The following NECAB1 variants were observed in gnomAD, a reference collection of about 807,000 sequenced individuals.
NECAB1 encodes the protein N-terminal EF-hand calcium-binding protein 1.
In NECAB1, 29 loss-of-function variants were observed where a neutral mutation model predicts 57.5. The observed-to-expected ratio is 0.50, with a 90% CI of 0.38 to 0.69. The LOEUF (loss-of-function observed/expected upper bound fraction) is 0.69. Ranked by LOEUF, NECAB1 falls within the 30% of genes least tolerant of loss-of-function variation. NECAB1 has a pLI of 0.00. For missense variants in NECAB1, 372 were observed against 413.8 expected (o/e 0.90, Z 0.88); for synonymous variants, 142 against 147.7 (o/e 0.96, Z 0.28).
chr8:90,882,190 G>A (rs1160263813), intron 5 of NECAB1, among the ~76,000 whole-genome samples: 2 of 152,178 alleles, frequency 1.3e-5, no homozygotes, highest in African/African-American at 4.8e-5. Context: ...ATTAACTTGG[G>A]ATTGGGGTGG....
intron 5 of NECAB1, among the ~76,000 whole-genome samples, chr8:90,881,973 A>C (rs1288404693): frequency 6.6e-6 from 1 of 152,190 alleles, no homozygotes; most frequent in African/African-American, 2.4e-5. Context: ...ACACTCTAGG[A>C]AATGAAGCTG....
rs1811044254 is a variant in NECAB1 at position 90,956,951 on chromosome 8, T to TAC, written c.*1439_*1440insAC. On this transcript the variant is annotated 3_prime_UTR_variant, in exon 13 of 13. Transcript: ENST00000417640. The stretch of plus-strand genomic sequence containing the variant: ...TATATTGTACATACACACGTGTGTG[T>TAC]GTGTGTGTGTGTGTGTGTGTGTGTG... The TAC allele has an allele frequency of 1.5e-5, 2 of 131,208 alleles. No homozygotes were observed. The highest frequency in any genetic ancestry group is 6.1e-5 in the African/African-American group (2 of 32,854). The allele number at this position is 131,208 out of a possible 1,614,324, so 8.1% of individuals were successfully genotyped here.
At chr8:90,922,633 C>G (rs796522000) in intron 6 of NECAB1, among the ~76,000 whole-genome samples, 5 of 151,824 alleles carry the variant, frequency 3.3e-5, no homozygotes, top group African/African-American at 1.2e-4. Flanking sequence ...GCTGGGATTA[C>G]AGGCGCCTGC....
intron 5 of NECAB1, among the ~76,000 whole-genome samples, chr8:90,893,181 G>A (rs1809230409): frequency 6.6e-6 from 1 of 151,912 alleles, no homozygotes; most frequent in Non-Finnish European, 1.5e-5. Context: ...GATACTACGG[G>A]ACTTAGCTTA....
chr8:90,951,069 T>C, intron 11 of NECAB1, 44 bp from the exon 12 acceptor site: 1 of 1,227,856 alleles, frequency 8.1e-7, no homozygotes, highest in African/African-American at 1.6e-5. Context: ...TTGGGAAGAT[T>C]GTAAATAAAA....
chr8:90,862,891 A>G (rs956336969), intron 3 of NECAB1, among the ~76,000 whole-genome samples: 1 of 152,188 alleles, frequency 6.6e-6, no homozygotes, highest in African/African-American at 2.4e-5. Flanking sequence ...ACTGAAATAG[A>G]TCCCAAGTGT....
intron 3 of NECAB1, among the ~76,000 whole-genome samples, chr8:90,849,659 G>GT (rs1442533801): frequency 2.4e-5 from 3 of 123,270 alleles, no homozygotes; most frequent in Non-Finnish European, 3.5e-5. Flanking sequence ...TAAAAAACTA[G>GT]TTTTTTTATG....
At chr8:90,855,577 C>G (rs1472630288) in intron 3 of NECAB1, among the ~76,000 whole-genome samples, 1 of 152,178 alleles carries the variant, frequency 6.6e-6, no homozygotes, top group African/African-American at 2.4e-5. Flanking sequence ...ATCCTTCCAT[C>G]TATAATCAGG....
chr8:90,820,543 C>T (rs1812127556), intron 2 of NECAB1, among the ~76,000 whole-genome samples: 1 of 151,730 alleles, frequency 6.6e-6, no homozygotes, highest in African/African-American at 2.4e-5. Context: ...GTTTTGAGAG[C>T]ATAATCATTT....
chr8:90,884,339 T>A (rs1248937042), intron 5 of NECAB1, among the ~76,000 whole-genome samples: 3 of 152,158 alleles, frequency 2.0e-5, no homozygotes, highest in African/African-American at 7.2e-5. Context: ...TATCTCTAGT[T>A]TTTTTATGTT....
chr8:90,922,900 C>G (rs1810161197), intron 6 of NECAB1, among the ~76,000 whole-genome samples: 1 of 152,076 alleles, frequency 6.6e-6, no homozygotes, highest in African/African-American at 2.4e-5. Context: ...CCCTTCAAAA[C>G]ATGACATAAA....
intron 3 of NECAB1, among the ~76,000 whole-genome samples, chr8:90,849,616 T>G: frequency 6.6e-6 from 1 of 151,638 alleles, no homozygotes; most frequent in Admixed American, 6.6e-5. Flanking sequence ...GAATTGTTAT[T>G]TTTTAGATAT....
chr8:90,896,390 G>C (rs2129989061), intron 5 of NECAB1, among the ~76,000 whole-genome samples: 1 of 152,182 alleles, frequency 6.6e-6, no homozygotes, highest in East Asian at 1.9e-4. Context: ...GGATCACAAG[G>C]TCAGGAGATC....
chr8:90,889,630 C>T (rs146252279), intron 5 of NECAB1, among the ~76,000 whole-genome samples: 192 of 152,330 alleles, frequency 1.3e-3, no homozygotes, highest in Non-Finnish European at 2.2e-3. Flanking sequence ...ACTTACATGG[C>T]TGCTGACACA....
At chr8:90,874,716 G>A (rs140565643) in intron 4 of NECAB1, among the ~76,000 whole-genome samples, 251 of 152,076 alleles carry the variant, frequency 1.7e-3, no homozygotes, top group African/African-American at 5.7e-3. Flanking sequence ...TCCTTTTAAT[G>A]GATTTTCAAT....
intron 4 of NECAB1, among the ~76,000 whole-genome samples, chr8:90,879,020 T>G (rs1262648893): frequency 7.0e-6 from 1 of 143,638 alleles, no homozygotes; most frequent in East Asian, 2.0e-4. Flanking sequence ...TTATATATAA[T>G]ATATATTATA....
chr8:90,893,179 G>A (rs1399889246), intron 5 of NECAB1, among the ~76,000 whole-genome samples: 1 of 151,862 alleles, frequency 6.6e-6, no homozygotes, highest in Non-Finnish European at 1.5e-5. Context: ...GTGATACTAC[G>A]GGACTTAGCT....
At chr8:90,937,020 T>C (rs1810555467) in intron 9 of NECAB1, among the ~76,000 whole-genome samples, 1 of 152,170 alleles carries the variant, frequency 6.6e-6, no homozygotes, top group Non-Finnish European at 1.5e-5. Flanking sequence ...CTTTTCAATT[T>C]ATATGCCTGC....
intron 3 of NECAB1, among the ~76,000 whole-genome samples, chr8:90,831,707 A>T (rs913963563): frequency 1.3e-5 from 2 of 151,988 alleles, no homozygotes; most frequent in South Asian, 4.1e-4. Context: ...CATGCCTCTG[A>T]TGCCCTTCTT....
Sources: gnomAD v4.1 joint callset for allele counts (sites outside exome capture counted in the v4.1 genomes callset) on GRCh38, gnomAD v4.1.1 for gene constraint, MANE v1.5 for transcripts, NCBI Gene and HGNC (gene_info 2026-07-23, HGNC 2026-07-21) for gene names.